Variants in PUS1 observed in about 807,000 individuals in gnomAD.
The protein encoded by PUS1 is pseudouridine synthase 1, also known as pseudouridylate synthase 1 homolog.
PUS1 carries 25 observed loss-of-function variants against 38.5 expected under a neutral mutation model. The observed-to-expected ratio is 0.65, with a 90% CI of 0.47 to 0.91. The LOEUF (loss-of-function observed/expected upper bound fraction) is 0.91. Ranked by LOEUF, PUS1 falls within the 40% of genes least tolerant of loss-of-function variation. The probability of loss-of-function intolerance (pLI) is 0.00; values close to 1 mark genes in which losing one functional copy is unlikely to be tolerated. For synonymous variants in PUS1, 282 were observed against 260.4 expected, an observed-to-expected ratio of 1.08 and a Z score of -0.80; for missense variants, 597 against 612.3, an observed-to-expected ratio of 0.97 and a Z score of 0.26.
intron 2 of PUS1, 109 bp from the exon 3 acceptor site, chr12:131,932,066 T>C (rs1890625282): frequency 1.1e-6 from 1 of 932,106 alleles, no homozygotes; most frequent in African/African-American, 1.6e-5. Flanking sequence ...ATCTCAGCAC[T>C]TCAGGAGGCC....
intron 5 of PUS1, 120 bp downstream of exon 5, chr12:131,942,103 TGCAGGA>T (rs1891104233): frequency 2.1e-6 from 2 of 959,898 alleles, no homozygotes; most frequent in Non-Finnish European, 3.2e-6. Context: ...ACACAGCTGC[TGCAGGA>T]GCAGGGGCAG....
At chr12:131,934,080 T>C (rs933493014) in intron 3 of PUS1, among the ~76,000 whole-genome samples, 7 of 152,222 alleles carry the variant, frequency 4.6e-5, no homozygotes, top group Admixed American at 2.0e-4. Flanking sequence ...TATGCACTTA[T>C]CAGAAAGATC....
At chr12:131,931,938 C>A (rs1016514543) in intron 2 of PUS1, 2 of 626,334 alleles carry the variant, frequency 3.2e-6, no homozygotes, top group Non-Finnish European at 5.8e-6. Flanking sequence ...CAGGTTCAAT[C>A]AAACCTGTGT....
intron 3 of PUS1, chr12:131,932,695 A>G (rs1441246712): frequency 7.2e-5 from 29 of 402,496 alleles, no homozygotes; most frequent in Non-Finnish European, 4.8e-5. Flanking sequence ...TGTATGATGC[A>G]ACATTCTCTT....
intron 3 of PUS1, chr12:131,932,633 CT>C: frequency 2.1e-6 from 1 of 479,092 alleles, no homozygotes; most frequent in Non-Finnish European, 3.9e-6. Flanking sequence ...TCCAATCAGG[CT>C]CACTCTGAGG....
intron 2 of PUS1, chr12:131,931,806 C>A: frequency 1.4e-5 from 5 of 363,994 alleles, no homozygotes; most frequent in South Asian, 2.7e-5. Flanking sequence ...GCTGGGATTA[C>A]AGGTGTGAGC....
At chr12:131,936,588 A>G (rs941297261) in intron 3 of PUS1, among the ~76,000 whole-genome samples, 2 of 151,352 alleles carry the variant, frequency 1.3e-5, no homozygotes, top group Admixed American at 6.6e-5. Flanking sequence ...AACAAAAGAA[A>G]CAAAAAGTGT....
chr12:131,940,770 T>C (rs569630959), intron 4 of PUS1, among the ~76,000 whole-genome samples: 4 of 152,116 alleles, frequency 2.6e-5, no homozygotes, highest in African/African-American at 9.6e-5. Context: ...TTAGTAGAGA[T>C]GGTGTTTCAC....
chr12:131,939,858 C>G (rs1392630946), intron 4 of PUS1, among the ~76,000 whole-genome samples: 1 of 152,108 alleles, frequency 6.6e-6, no homozygotes, highest in African/African-American at 2.4e-5. Context: ...CCAGGCTGGT[C>G]TTGAACTCCT....
rs990664870 is a variant in PUS1, at chr12:131,944,197, C to CA, written c.*625dup. 10,843 of 126,094 alleles carry CA rather than the reference C, an allele frequency of 0.086. 489 individuals carry two copies. Among genetic ancestry groups the CA allele is most frequent in the Admixed American group, 0.16 (2,020 of 12,538 alleles). 7.8% of individuals were successfully genotyped at this position (126,094 alleles called of 1,614,324 possible). Reference sequence around the variant, plus strand: ...AGGCTGCCCTGATTGCCACTGCACTCAAAAAAAAAAAAAACAACAACAACC... The same window carrying CA: ...AGGCTGCCCTGATTGCCACTGCACTCAAAAAAAAAAAAAAACAACAACAACC... On this transcript the variant is annotated 3_prime_UTR_variant, in exon 6 of 6. Coordinates refer to ENST00000376649, the MANE Select transcript of PUS1 (RefSeq NM_025215.6).
Position 131,930,124 on chromosome 12 carries a change from C to A in PUS1, c.292C>A (p.His98Asn). The A allele has an allele frequency of 7.0e-7, 1 of 1,425,454 alleles. No homozygotes were observed. Among genetic ancestry groups the A allele is most frequent in the Admixed American group, 2.8e-5 (1 of 36,030 alleles). The allele number at this position is 1,425,454 out of a possible 1,614,324, so 88.3% of individuals were successfully genotyped here. ...LLMAYSGKGY[H>N]GMQRNVGSSQ... ...CATGGCCTATTCGGGCAAGGGCTAC[C>A]ACGGCATGCAGGTGTGGCCGCCCGG... The change falls in exon 2 of 6, where the codon CAC becomes AAC. Residue 98 changes from histidine to asparagine, a missense_variant. Physicochemically the swap from His to Asn is moderately conservative, Grantham distance 68 (BLOSUM62 1). Coordinates refer to ENST00000376649, the MANE Select transcript of PUS1 (RefSeq NM_025215.6).
At chr12:131,934,707 C>G (rs1054968477) in intron 3 of PUS1, 10 of 152,250 alleles carry the variant, frequency 6.6e-5, no homozygotes, top group Non-Finnish European at 1.2e-4. Flanking sequence ...CAACGTTTGG[C>G]AGACGGGGAC....
Position 131,941,644 on chromosome 12 carries a change from C to A in PUS1, c.897C>A (p.Gly299=). ...FMMHQIRKMV[G]LVVAIVKGYA... is the part of the protein sequence containing the mutation. ...TGCATCAGATCCGGAAGATGGTCGGCCTGGTGGTGGCCATTGTGAAGGGTT... is the reference window on the plus strand; with the variant it reads ...TGCATCAGATCCGGAAGATGGTCGGACTGGTGGTGGCCATTGTGAAGGGTT... The change falls in exon 5 of 6, where the codon GGC becomes GGA. Residue 299 remains glycine, a synonymous_variant. Transcript: ENST00000376649. This position sits in a 1 kb window ranked among gnomAD's most constrained non-coding sequence, Gnocchi z 4.4. 2 of 1,614,172 alleles carry A rather than the reference C, an allele frequency of 1.2e-6. No homozygotes were observed. Among genetic ancestry groups the A allele is most frequent in the Non-Finnish European group, 1.7e-6 (2 of 1,180,024 alleles).
At chr12:131,931,275 C>T (rs964449907) in intron 2 of PUS1, among the ~76,000 whole-genome samples, 1 of 152,118 alleles carries the variant, frequency 6.6e-6, no homozygotes, top group Non-Finnish European at 1.5e-5. Context: ...TCTTGTGCCT[C>T]AGCCTCCCGA....
At chr12:131,939,450 C>G (rs937790301) in intron 4 of PUS1, among the ~76,000 whole-genome samples, 175 bp downstream of exon 4, 10 of 152,224 alleles carry the variant, frequency 6.6e-5, no homozygotes, top group African/African-American at 2.2e-4. Context: ...GAGTAGAAAG[C>G]TGTTCATTTG....
intron 3 of PUS1, among the ~76,000 whole-genome samples, chr12:131,933,635 T>G (rs1890705199): frequency 6.6e-6 from 1 of 152,168 alleles, no homozygotes; most frequent in Non-Finnish European, 1.5e-5. Context: ...TGCCAAGTGG[T>G]CCTGTGACGC....
At position 131,944,027 on chromosome 12, in the gene PUS1, G is replaced by T. The variant is rs1003240648; in HGVS notation, c.*441G>T. 3.8e-5 allele frequency: 9 copies of T among 238,312 alleles called. No homozygotes were observed. In the East Asian group the frequency reaches 9.1e-4, roughly 24 times the overall value. 14.8% of individuals were successfully genotyped at this position (238,312 alleles called of 1,614,324 possible). On this transcript the variant is annotated 3_prime_UTR_variant, in exon 6 of 6. Coordinates refer to ENST00000376649, the MANE Select transcript of PUS1 (RefSeq NM_025215.6). ...CTTGGGAGGCTGAGGTGGGCAGATC[G>T]CTTGAGTACAGGAGTTCCAGACCAG... is the stretch of plus-strand genomic sequence containing the variant.
At chr12:131,939,363 C>T in intron 4 of PUS1, 88 bp downstream of exon 4, 2 of 885,800 alleles carry the variant, frequency 2.3e-6, no homozygotes, top group Non-Finnish European at 3.7e-6. Context: ...CCTTTTCCAA[C>T]TGTCTCTGAT....
At chr12:131,930,357 T>C (rs572138317) in intron 2 of PUS1, among the ~76,000 whole-genome samples, 3 of 152,340 alleles carry the variant, frequency 2.0e-5, no homozygotes, top group African/African-American at 7.2e-5. Context: ...ACCGCTGTTA[T>C]CTGGGGCGGG....
Sources: allele counts gnomAD v4.1 joint callset (sites outside exome capture counted in the v4.1 genomes callset), GRCh38; gene constraint gnomAD v4.1.1; non-coding constraint Gnocchi (gnomAD v3.1); transcripts MANE v1.5; gene names NCBI Gene and HGNC (gene_info 2026-07-23, HGNC 2026-07-21).